Variants in KCNMA1 observed in about 807,000 individuals in gnomAD.
KCNMA1 encodes potassium calcium-activated channel subfamily M alpha 1.
A neutral mutation model predicts 140.0 loss-of-function variants in KCNMA1; 29 were observed. That is an observed-to-expected ratio of 0.21 (90% confidence interval 0.15 to 0.28). The LOEUF (loss-of-function observed/expected upper bound fraction) is 0.28, where lower values mean the gene tolerates loss of function less well. KCNMA1 is among the 10% of genes least tolerant of loss of function. The pLI is 1.00. For synonymous variants in KCNMA1, 612 were observed against 611.9 expected, an observed-to-expected ratio of 1.00 and a Z score of 0.00; for missense variants, 880 against 1,602.2, an observed-to-expected ratio of 0.55 and a Z score of 7.70.
At chr10:77,055,358 G>A (rs567021783) in intron 14 of KCNMA1, among the ~76,000 whole-genome samples, 80 of 152,302 alleles carry the variant, frequency 5.3e-4, no homozygotes, top group African/African-American at 1.9e-3. Flanking sequence ...GGATCATCAA[G>A]ATGTGGACAA....
intron 19 of KCNMA1, among the ~76,000 whole-genome samples, chr10:76,984,691 T>A (rs1394532166): frequency 1.3e-5 from 2 of 150,700 alleles, no homozygotes; most frequent in African/African-American, 4.9e-5. Flanking sequence ...TCAGATAGCA[T>A]AGGCAATCCA....
chr10:76,874,794 T>C (rs1461265729), downstream of KCNMA1: 2 of 152,240 alleles, frequency 1.3e-5, no homozygotes, highest in Non-Finnish European at 1.5e-5. Context: ...TGGTTCAAGA[T>C]GATATTCTAA....
At chr10:77,190,187 C>T (rs2098928177) in intron 3 of KCNMA1, among the ~76,000 whole-genome samples, 1 of 152,188 alleles carries the variant, frequency 6.6e-6, no homozygotes, top group Non-Finnish European at 1.5e-5. Context: ...TGACCTCTCC[C>T]ATCTCTGAAT....
chr10:77,027,053 T>TCTCC (rs1486196587), intron 16 of KCNMA1, among the ~76,000 whole-genome samples: 1 of 152,080 alleles, frequency 6.6e-6, no homozygotes, highest in Non-Finnish European at 1.5e-5. Context: ...CTCAATGAGC[T>TCTCC]CTCTTTCTTC....
At position 77,385,484 on chromosome 10, in the gene KCNMA1, C is replaced by T. The variant is rs143191058; in HGVS notation, c.540+18378G>A. 1.4e-3 allele frequency among the ~76,000 whole-genome samples: 218 copies of T among 152,354 alleles called. No individual in the cohort carries two copies. In the Middle Eastern group the frequency reaches 0.02, roughly 14 times the overall value. ...GGTAAGTACTACGATTGTCTTCTGT[C>T]ACTGGCTCAGGGTCACACTAGTACA... On this transcript the variant is annotated intron_variant, in intron 2 of 27. Coordinates refer to ENST00000286628, the MANE Select transcript of KCNMA1 (RefSeq NM_001161352.2).
At chr10:77,402,898 A>G (rs2096322558) in intron 2 of KCNMA1, among the ~76,000 whole-genome samples, 1 of 152,192 alleles carries the variant, frequency 6.6e-6, no homozygotes, top group African/African-American at 2.4e-5. Context: ...CAGAATCACA[A>G]TGAGAAATCA....
At chr10:77,496,791 C>T (rs2042123680) in intron 1 of KCNMA1, among the ~76,000 whole-genome samples, 1 of 152,070 alleles carries the variant, frequency 6.6e-6, no homozygotes, top group South Asian at 2.1e-4. Flanking sequence ...TTGACCAGGA[C>T]ACAGCACTAG....
At position 77,108,186 on chromosome 10, in the gene KCNMA1, A is replaced by G; in HGVS notation, c.1223+295T>C. The G allele has an allele frequency of 1.0e-6, 1 of 958,244 alleles. No homozygotes were observed. Among genetic ancestry groups the G allele is most frequent in the African/African-American group, 1.7e-5 (1 of 60,284 alleles). 59.4% of individuals were successfully genotyped at this position (958,244 alleles called of 1,614,324 possible). A position where few individuals can be genotyped will look rare whatever the true frequency, so the allele number is the denominator to read the frequency against. On this transcript the variant is annotated intron_variant, in intron 9 of 27. Coordinates refer to ENST00000286628, the MANE Select transcript of KCNMA1 (RefSeq NM_001161352.2). The surrounding 1 kb of genome is among the most constrained non-coding windows in gnomAD (Gnocchi z 4.6). ...CAGAAACTGGGCCTTCCCTCACAGA[A>G]GCACCCGGTGGGGTTGGGGAGGGGC...
At chr10:77,178,010 T>C (rs1263722612) in intron 5 of KCNMA1, among the ~76,000 whole-genome samples, 2 of 152,212 alleles carry the variant, frequency 1.3e-5, no homozygotes, top group Non-Finnish European at 2.9e-5. Context: ...AAGGACTATT[T>C]TGGGCATATA....
intron 25 of KCNMA1, among the ~76,000 whole-genome samples, chr10:76,906,446 C>T (rs1042961850): frequency 1.3e-5 from 2 of 152,218 alleles, no homozygotes; most frequent in Admixed American, 6.5e-5. Context: ...TCTGTAACAT[C>T]CTGATCTGTT....
intron 1 of KCNMA1, among the ~76,000 whole-genome samples, chr10:77,496,858 C>A (rs915047376): frequency 1.4e-4 from 22 of 152,084 alleles, no homozygotes; most frequent in African/African-American, 5.3e-4. Flanking sequence ...ACCTGGTGTC[C>A]CACAAGTACT....
At chr10:77,282,479 C>G (rs1246814149) in intron 2 of KCNMA1, among the ~76,000 whole-genome samples, 1 of 152,144 alleles carries the variant, frequency 6.6e-6, no homozygotes, top group African/African-American at 2.4e-5. Context: ...TTCTCGGAAG[C>G]CTTTGTTGAT....
rs17505491 is a variant in KCNMA1, at chr10:77,567,508, C to G, written c.378+69757G>C. The stretch of plus-strand genomic sequence containing the variant: ...ACAGTCCCTTTGTTCATCTCAGGAG[C>G]TGATTTAATTAAACGAGAAACTATG... On this transcript the variant is annotated intron_variant, in intron 1 of 27. Transcript: ENST00000286628. Among the ~76,000 whole-genome samples, 1,373 of 152,314 alleles carry G rather than the reference C, an allele frequency of 9.0e-3. 13 individuals carry two copies. The highest frequency in any genetic ancestry group is 0.052 in the East Asian group (272 of 5,186).
intron 19 of KCNMA1, among the ~76,000 whole-genome samples, chr10:76,984,433 G>A (rs1416183133): frequency 6.6e-6 from 1 of 152,012 alleles, no homozygotes; most frequent in Non-Finnish European, 1.5e-5. Flanking sequence ...CAAGTGATCT[G>A]CCCGCCTCAG....
chr10:77,537,911 C>T (rs903222172), intron 1 of KCNMA1, among the ~76,000 whole-genome samples: 6 of 152,080 alleles, frequency 3.9e-5, no homozygotes, highest in South Asian at 2.1e-4. Flanking sequence ...CTTCCACGCC[C>T]GTTATGATGA....
intron 3 of KCNMA1, among the ~76,000 whole-genome samples, chr10:77,214,844 A>G (rs1391620626): frequency 6.6e-6 from 1 of 151,388 alleles, no homozygotes. Flanking sequence ...CTCCTGCTTT[A>G]CTCACCCTCT....
chr10:77,566,144 T>C (rs2068225183), intron 1 of KCNMA1, among the ~76,000 whole-genome samples: 1 of 152,150 alleles, frequency 6.6e-6, no homozygotes, highest in Non-Finnish European at 1.5e-5. Flanking sequence ...GCTTTGGAAA[T>C]TAATGCCTAG....
At chr10:77,506,752 G>A (rs1167745264) in intron 1 of KCNMA1, among the ~76,000 whole-genome samples, 1 of 149,436 alleles carries the variant, frequency 6.7e-6, no homozygotes. Context: ...TTGTTAGAGA[G>A]GGAGAGAGAG....
intron 22 of KCNMA1, 67 bp downstream of exon 22, chr10:76,949,075 T>C (rs2065296038): frequency 3.3e-6 from 4 of 1,216,922 alleles, no homozygotes; most frequent in Non-Finnish European, 3.7e-6. Context: ...AACTATTATA[T>C]CCATCCGGGA....
Sources: allele counts gnomAD v4.1 joint callset (sites outside exome capture counted in the v4.1 genomes callset), GRCh38; gene constraint gnomAD v4.1.1; non-coding constraint Gnocchi (gnomAD v3.1); transcripts MANE v1.5; gene names NCBI Gene and HGNC (gene_info 2026-07-23, HGNC 2026-07-21).